Variants in CHD6 observed in about 807,000 individuals in gnomAD.
CHD6 encodes chromodomain helicase DNA binding protein 6.
A neutral mutation model predicts 276.9 loss-of-function variants in CHD6; 50 were observed. The observed-to-expected ratio is 0.18, with a 90% CI of 0.14 to 0.23. The LOEUF (loss-of-function observed/expected upper bound fraction) is 0.23, where lower values mean the gene tolerates loss of function less well. Ranked by LOEUF, CHD6 falls within the 10% of genes least tolerant of loss-of-function variation. The pLI is 1.00. For synonymous variants in CHD6, 1,173 were observed against 1,229.3 expected, an observed-to-expected ratio of 0.95 and a Z score of 0.96; for missense variants, 2,564 against 3,365.8, an observed-to-expected ratio of 0.76 and a Z score of 5.89.
chr20:41,461,347 T>C (rs1197408611), intron 17 of CHD6, among the ~76,000 whole-genome samples: 1 of 152,144 alleles, frequency 6.6e-6, no homozygotes, highest in Non-Finnish European at 1.5e-5. Context: ...CAGAGTGATA[T>C]GATTTGGCTG....
chr20:41,545,862 G>A (rs1345390583), intron 2 of CHD6, among the ~76,000 whole-genome samples: 3 of 152,014 alleles, frequency 2.0e-5, no homozygotes, highest in African/African-American at 7.3e-5. Context: ...GAAGCAAAAA[G>A]CCTGAAACCT....
intron 1 of CHD6, among the ~76,000 whole-genome samples, chr20:41,551,816 C>T (rs764023036): frequency 6.6e-6 from 1 of 152,160 alleles, no homozygotes; most frequent in East Asian, 1.9e-4. Flanking sequence ...CAATGCAGTT[C>T]TCTCTAAGGA....
chr20:41,411,009 C>T (rs1030859647), intron 36 of CHD6, among the ~76,000 whole-genome samples: 10 of 151,930 alleles, frequency 6.6e-5, no homozygotes, highest in Non-Finnish European at 1.3e-4. Context: ...GTACTGCTCA[C>T]GCAAGTGGAA....
At chr20:41,567,170 G>A (rs2045364516) in intron 1 of CHD6, among the ~76,000 whole-genome samples, 1 of 152,124 alleles carries the variant, frequency 6.6e-6, no homozygotes, top group African/African-American at 2.4e-5. Flanking sequence ...CTGTACCCTG[G>A]TGTGATGCGC....
intron 31 of CHD6, among the ~76,000 whole-genome samples, chr20:41,419,545 A>T (rs1311446102): frequency 6.7e-5 from 8 of 119,258 alleles, no homozygotes; most frequent in Non-Finnish European, 9.9e-5. Flanking sequence ...ACAGAGCAAG[A>T]CTCTGTCTCA....
At chr20:41,432,377 T>C (rs1260805580) in intron 27 of CHD6, among the ~76,000 whole-genome samples, 2 of 152,060 alleles carry the variant, frequency 1.3e-5, no homozygotes, top group Non-Finnish European at 2.9e-5. Flanking sequence ...GGTAATAGGG[T>C]ACCCCATTCC....
chr20:41,430,837 G>A (rs1037420202), intron 27 of CHD6, among the ~76,000 whole-genome samples: 7 of 151,354 alleles, frequency 4.6e-5, no homozygotes, highest in African/African-American at 1.7e-4. Flanking sequence ...ACTAAGGACT[G>A]GAACAGCAGA....
intron 27 of CHD6, 44 bp from the exon 28 acceptor site, chr20:41,426,197 G>A: frequency 7.5e-7 from 1 of 1,331,132 alleles, no homozygotes; most frequent in Non-Finnish European, 1.1e-6. Flanking sequence ...CTGCAGCTTA[G>A]AAGAAACCAG....
intron 2 of CHD6, among the ~76,000 whole-genome samples, chr20:41,538,379 A>G (rs1279933599): frequency 6.6e-6 from 1 of 152,134 alleles, no homozygotes; most frequent in East Asian, 1.9e-4. Context: ...AAAATAAAAA[A>G]GGAGTGAAGT....
intron 36 of CHD6, among the ~76,000 whole-genome samples, chr20:41,408,980 G>C (rs1600785864): frequency 1.3e-5 from 2 of 152,238 alleles, no homozygotes; most frequent in East Asian, 1.9e-4. Flanking sequence ...GATGTCAAAA[G>C]CATCCTTTCC....
At position 41,489,743 on chromosome 20, in the gene CHD6, C is replaced by T. The variant is rs779991257; in HGVS notation, c.1680+35G>A. 1.9e-6 allele frequency: 3 copies of T among 1,612,306 alleles called. No individual in the cohort carries two copies. The South Asian group carries it at 3.3e-5, about 18-fold the overall frequency. ...ACAGAAAGGCTGTTCTGAGCTTAGG[C>T]AGTCCCTGGGTCTCTGATCTCACGT... On this transcript the variant is annotated intron_variant, in intron 12 of 36. Coordinates refer to ENST00000373233, the MANE Select transcript of CHD6 (RefSeq NM_032221.5).
At chr20:41,447,374 CAATCTTGGA>C (rs1482015312) in intron 24 of CHD6, among the ~76,000 whole-genome samples, 1 of 152,204 alleles carries the variant, frequency 6.6e-6, no homozygotes, top group Non-Finnish European at 1.5e-5. Flanking sequence ...CTGGTAGCCT[CAATCTTGGA>C]AATCTTGGGA....
chr20:41,598,620 G>A (rs895560985), intron 1 of CHD6, among the ~76,000 whole-genome samples: 9 of 152,086 alleles, frequency 5.9e-5, no homozygotes, highest in African/African-American at 1.7e-4. Context: ...TGTTATTCCC[G>A]GAAGTTAAAA....
intron 1 of CHD6, among the ~76,000 whole-genome samples, chr20:41,607,939 T>C (rs996605272): frequency 6.6e-6 from 1 of 152,198 alleles, no homozygotes; most frequent in African/African-American, 2.4e-5. Flanking sequence ...TACACAGCCA[T>C]GCCCAATTTC....
intron 3 of CHD6, among the ~76,000 whole-genome samples, chr20:41,523,388 CAT>C (rs1215502229): frequency 6.6e-6 from 1 of 152,160 alleles, no homozygotes; most frequent in African/African-American, 2.4e-5. Context: ...GAAGAAATAA[CAT>C]TTTTGAGAGT....
chr20:41,416,957 G>A (rs1279787694), intron 32 of CHD6, among the ~76,000 whole-genome samples, 163 bp from the exon 33 acceptor site: 1 of 152,082 alleles, frequency 6.6e-6, no homozygotes, highest in African/African-American at 2.4e-5. Flanking sequence ...TCATAGTCTG[G>A]ACAATACAAA....
intron 1 of CHD6, among the ~76,000 whole-genome samples, chr20:41,614,055 T>C (rs995613191): frequency 4.0e-5 from 6 of 151,568 alleles, no homozygotes; most frequent in Non-Finnish European, 8.8e-5. Context: ...TCACATAGTA[T>C]ATAAGAAAAT....
intron 1 of CHD6, among the ~76,000 whole-genome samples, chr20:41,578,869 A>C (rs1208825031): frequency 6.7e-6 from 1 of 148,996 alleles, no homozygotes; most frequent in Non-Finnish European, 1.5e-5. Flanking sequence ...ATTAGAAAGA[A>C]AAAAAAAAAA....
At chr20:41,475,374 G>T (rs566559801) in intron 16 of CHD6, among the ~76,000 whole-genome samples, 13 of 152,262 alleles carry the variant, frequency 8.5e-5, no homozygotes, top group African/African-American at 2.6e-4. Context: ...TTGACTTAAA[G>T]CTTTCACACT....
Sources: allele counts gnomAD v4.1 joint callset (sites outside exome capture counted in the v4.1 genomes callset), GRCh38; gene constraint gnomAD v4.1.1; transcripts MANE v1.5; gene names NCBI Gene and HGNC (gene_info 2026-07-23, HGNC 2026-07-21).